Variants in LONP2 observed in about 807,000 individuals in gnomAD.
LONP2 encodes the protein lon peptidase 2, peroxisomal.
A neutral mutation model predicts 85.6 loss-of-function variants in LONP2; 60 were observed. That is an observed-to-expected ratio of 0.70 (90% confidence interval 0.57 to 0.87). The LOEUF (loss-of-function observed/expected upper bound fraction) is 0.87. Among genes scored for constraint, LONP2 ranks in the 40% least tolerant of loss-of-function variants. The pLI is 0.00. For synonymous variants in LONP2, 395 were observed against 389.7 expected (o/e 1.01, Z -0.16); for missense variants, 860 against 1,063.5 (o/e 0.81, Z 2.66).
rs1050993677 is a variant in LONP2 at position 48,362,362 on chromosome 16, G to A, written c.*499G>A. The A allele has an allele frequency of 6.2e-7, 1 of 1,614,182 alleles. No homozygotes were observed. Among genetic ancestry groups the A allele is most frequent in the Non-Finnish European group, 8.5e-7 (1 of 1,180,018 alleles). Reference sequence around the variant, plus strand: ...GATGCAGTTGTGCCAGTCAGGGCAGGCACCCTCTGGGATGGTGGACACTTC... The same window carrying A: ...GATGCAGTTGTGCCAGTCAGGGCAGACACCCTCTGGGATGGTGGACACTTC... On this transcript the variant is annotated 3_prime_UTR_variant, in exon 5 of 5. Coordinates refer to the LONP2 transcript ENST00000565867. This position sits in a 1 kb window ranked among gnomAD's most constrained non-coding sequence, Gnocchi z 4.2.
chr16:48,264,130 A>G (rs1364789511), intron 6 of LONP2, among the ~76,000 whole-genome samples: 1 of 152,186 alleles, frequency 6.6e-6, no homozygotes, highest in African/African-American at 2.4e-5. Context: ...TAAAATTGCT[A>G]ATGAAGTTTC....
At chr16:48,361,391 CT>C (rs2151043393), downstream of LONP2, 2 of 567,880 alleles carry the variant, frequency 3.5e-6, no homozygotes, top group Non-Finnish European at 3.1e-6. Flanking sequence ...TTACTGTTGA[CT>C]TATTTTTAAA....
intron 7 of LONP2, among the ~76,000 whole-genome samples, chr16:48,276,175 A>G (rs927362378): frequency 2.6e-5 from 4 of 152,206 alleles, no homozygotes; most frequent in African/African-American, 9.6e-5. Flanking sequence ...CTAATTCCTT[A>G]TATTAACAGG....
At chr16:48,278,691 T>C (rs2150983226) in intron 8 of LONP2, among the ~76,000 whole-genome samples, 1 of 152,330 alleles carries the variant, frequency 6.6e-6, no homozygotes, top group East Asian at 1.9e-4. Context: ...CTGAAAACTT[T>C]CAGGTTCTTC....
At chr16:48,275,285 A>G (rs943244608) in intron 7 of LONP2, among the ~76,000 whole-genome samples, 1 of 152,166 alleles carries the variant, frequency 6.6e-6, no homozygotes, top group South Asian at 2.1e-4. Context: ...TAATTTGCCC[A>G]AAATAGTATT....
chr16:48,360,184 C>T (rs955874594), downstream of LONP2, among the ~76,000 whole-genome samples: 2 of 152,226 alleles, frequency 1.3e-5, no homozygotes, highest in Non-Finnish European at 2.9e-5. Flanking sequence ...CCGAGACTGG[C>T]ACTTAGGTGC....
intron 12 of LONP2, among the ~76,000 whole-genome samples, chr16:48,343,353 C>T (rs1959870558): frequency 6.6e-6 from 1 of 152,080 alleles, no homozygotes; most frequent in Admixed American, 6.6e-5. Context: ...GTGAAATTGG[C>T]AATAATTAGA....
chr16:48,330,061 T>C (rs1959390401), intron 11 of LONP2, among the ~76,000 whole-genome samples: 1 of 152,278 alleles, frequency 6.6e-6, no homozygotes, highest in South Asian at 2.1e-4. Context: ...TGAACCAGTT[T>C]ATACTTCTGT....
chr16:48,272,131 A>G (rs572620773), intron 7 of LONP2, among the ~76,000 whole-genome samples: 91 of 152,358 alleles, frequency 6.0e-4, no homozygotes, highest in Admixed American at 2.8e-3. Flanking sequence ...CACTTATTCA[A>G]TACCTGACAC....
At chr16:48,340,583 C>A (rs189503902) in intron 12 of LONP2, among the ~76,000 whole-genome samples, 1 of 152,270 alleles carries the variant, frequency 6.6e-6, no homozygotes, top group East Asian at 1.9e-4. Context: ...TAAGAAGGCA[C>A]ACTTTTATTA....
chr16:48,298,487 A>G (rs1972722924), intron 9 of LONP2, among the ~76,000 whole-genome samples: 2 of 152,114 alleles, frequency 1.3e-5, no homozygotes, highest in Non-Finnish European at 1.5e-5. Context: ...ATATATATAT[A>G]TACCATCATG....
intron 7 of LONP2, among the ~76,000 whole-genome samples, chr16:48,270,571 C>T (rs958634358): frequency 6.6e-6 from 1 of 152,112 alleles, no homozygotes; most frequent in Admixed American, 6.6e-5. Flanking sequence ...TATGTCTTTA[C>T]ACTCTTTTCA....
chr16:48,246,114 C>A (rs746754774), intron 1 of LONP2, among the ~76,000 whole-genome samples: 8 of 152,028 alleles, frequency 5.3e-5, no homozygotes, highest in African/African-American at 1.9e-4. Context: ...TACCTCCCCC[C>A]ACCCCCGTTA....
chr16:48,306,815 G>A (rs555221258), intron 11 of LONP2, among the ~76,000 whole-genome samples: 1 of 152,078 alleles, frequency 6.6e-6, no homozygotes, highest in South Asian at 2.1e-4. Flanking sequence ...TTCTCATTAA[G>A]AAATGAATTA....
rs13335175 is a variant in LONP2 at position 48,321,625 on chromosome 16, G to C, written c.1796-12591G>C. Among the ~76,000 whole-genome samples, 664 of 152,272 alleles carry C rather than the reference G, an allele frequency of 4.4e-3. 4 individuals are homozygous for C. Among genetic ancestry groups the C allele is most frequent in the African/African-American group, 0.015 (629 of 41,538 alleles). ...ATGGTATAGCTTTCTACACACCTAG[G>C]CTATATGGTATAGCCTGTTAATCCT... On this transcript the variant is annotated intron_variant, in intron 11 of 14. Transcript: ENST00000285737.
intron 11 of LONP2, among the ~76,000 whole-genome samples, chr16:48,308,294 A>G (rs546464078): frequency 3.9e-4 from 60 of 152,312 alleles, no homozygotes; most frequent in African/African-American, 1.4e-3. Context: ...ATCTGCAGAA[A>G]GAATGAAACT....
intron 11 of LONP2, among the ~76,000 whole-genome samples, chr16:48,320,992 G>GGCCTGGT (rs1753441142): frequency 6.6e-6 from 1 of 152,222 alleles, no homozygotes; most frequent in African/African-American, 2.4e-5. Context: ...GGAGTGGAGT[G>GGCCTGGT]GCCTGGTTTC....
intron 11 of LONP2, among the ~76,000 whole-genome samples, chr16:48,327,716 C>T (rs980890281): frequency 1.3e-5 from 2 of 152,114 alleles, no homozygotes; most frequent in African/African-American, 4.8e-5. Context: ...CCTCAGCCTC[C>T]CAAAGTGCTG....
chr16:48,255,393 T>C (rs1282395661), intron 2 of LONP2, among the ~76,000 whole-genome samples: 5 of 152,148 alleles, frequency 3.3e-5, no homozygotes, highest in Non-Finnish European at 7.3e-5. Context: ...TTAAGACTCA[T>C]AGACACACCT....
Sources: allele counts gnomAD v4.1 joint callset (sites outside exome capture counted in the v4.1 genomes callset), GRCh38; gene constraint gnomAD v4.1.1; non-coding constraint Gnocchi (gnomAD v3.1); transcripts MANE v1.5; gene names NCBI Gene and HGNC (gene_info 2026-07-23, HGNC 2026-07-21).